The following SZT2 variants were observed in gnomAD, a reference collection of about 807,000 sequenced individuals.
SZT2 encodes the protein KICSTOR complex protein SZT2.
In SZT2, 216 loss-of-function variants were observed where a neutral mutation model predicts 404.2. The ratio of observed to expected loss-of-function variants is 0.53; its 90% CI spans 0.48 to 0.60. The LOEUF (loss-of-function observed/expected upper bound fraction) is 0.60, where lower values mean the gene tolerates loss of function less well. Among genes scored for constraint, SZT2 ranks in the 20% least tolerant of loss-of-function variants. SZT2 has a pLI of 0.00. For synonymous variants in SZT2, 1,693 were observed against 1,749.9 expected, an observed-to-expected ratio of 0.97 and a Z score of 0.81; for missense variants, 3,857 against 4,459.2, an observed-to-expected ratio of 0.86 and a Z score of 3.85.
At chr1:43,443,529 C>A in intron 61 of SZT2, 52 bp downstream of exon 61, 1 of 1,613,398 alleles carries the variant, frequency 6.2e-7, no homozygotes, top group South Asian at 1.1e-5. Flanking sequence ...CCACAGTGAC[C>A]CCCCTCCTCC....
At chr1:43,415,304 A>G in intron 5 of SZT2, 91 bp downstream of exon 5, 4 of 1,500,304 alleles carry the variant, frequency 2.7e-6, no homozygotes, top group Non-Finnish European at 3.6e-6. Flanking sequence ...AAATAGGGCA[A>G]AAAAGGGCTA....
rs1357553349 is a variant in SZT2 at position 43,446,236 on chromosome 1, ATCC to A, written c.8977_8979del (p.Leu2993del). 1 of 1,614,126 alleles carries A rather than the reference ATCC, an allele frequency of 6.2e-7. No individual in the cohort carries two copies. On this transcript the variant is annotated inframe_deletion, in exon 64 of 72. Coordinates refer to ENST00000634258, the MANE Select transcript of SZT2 (RefSeq NM_001365999.1). ...GCAGCGGGCACTGCCTGGGGGCATC[ATCC>A]TCATGGAACTGGCATTCCAGGTAAG...
chr1:43,416,220 T>C (rs1349769458), intron 6 of SZT2, 119 bp downstream of exon 6: 3 of 1,323,832 alleles, frequency 2.3e-6, no homozygotes, highest in Non-Finnish European at 2.0e-6. Flanking sequence ...AGGATCTGTT[T>C]CCTTGTTTGC....
Position 43,442,229 on chromosome 1 carries a change from G to A in SZT2, c.7874-39G>A. The stretch of plus-strand genomic sequence containing the variant: ...GGGAGGGTGGGATCAAGGGGGATCT[G>A]TTCCCAGGCCCCTATTGTGCCCCTC... On this transcript the variant is annotated intron_variant, in intron 56 of 71. Transcript: ENST00000634258. This position sits in a 1 kb window ranked among gnomAD's most constrained non-coding sequence, Gnocchi z 4.5. 1 of 1,604,546 alleles carries A rather than the reference G, an allele frequency of 6.2e-7. No homozygotes were observed. Among genetic ancestry groups the A allele is most frequent in the Non-Finnish European group, 8.5e-7 (1 of 1,175,034 alleles).
At chr1:43,446,789 C>T (rs1013649323) in intron 65 of SZT2, 166 bp from the exon 66 acceptor site, 1 of 694,734 alleles carries the variant, frequency 1.4e-6, no homozygotes, top group African/African-American at 1.8e-5. Flanking sequence ...AAAAGGGAGG[C>T]TAGAATGGGG....
intron 1 of SZT2, 47 bp downstream of exon 1, chr1:43,390,042 A>T (rs1327241574): frequency 1.5e-6 from 2 of 1,368,426 alleles, no homozygotes; most frequent in African/African-American, 3.1e-5. Context: ...TCCGAGGGGG[A>T]GGGTCCGGCG....
rs1168668932 is a variant in SZT2 at position 43,430,757 on chromosome 1, C to G, written c.4742C>G (p.Ser1581Ter). ...CSVRLRGQHS[S>*]VPVCSLPTCL... ...GTGCGGCTACGTGGGCAGCACAGCTCAGTACCTGTGTGCAGCCTGCCTACC... is the reference window on the plus strand; with the variant it reads ...GTGCGGCTACGTGGGCAGCACAGCTGAGTACCTGTGTGCAGCCTGCCTACC... Residue 1581 changes from serine to a stop codon, truncating the protein, a stop_gained, in exon 32 of 72, where the codon TCA becomes TGA. Transcript: ENST00000634258. LOFTEE classifies it high-confidence loss of function. The G allele has an allele frequency of 2.5e-6, 4 of 1,612,036 alleles. No individual in the cohort carries two copies. Among genetic ancestry groups the G allele is most frequent in the Non-Finnish European group, 3.4e-6 (4 of 1,179,718 alleles).
intron 28 of SZT2, chr1:43,429,473 G>A (rs1014123411): frequency 1.4e-5 from 7 of 517,984 alleles, no homozygotes; most frequent in Admixed American, 3.2e-5. Flanking sequence ...CTCAGCAACA[G>A]AGTAAGACTC....
intron 65 of SZT2, chr1:43,446,639 C>T: frequency 1.6e-6 from 1 of 642,828 alleles, no homozygotes; most frequent in Non-Finnish European, 2.7e-6. Context: ...CAGCTGTAGC[C>T]CTGAGGCAGC....
At chr1:43,419,230 G>C (rs1652055644) in intron 7 of SZT2, among the ~76,000 whole-genome samples, 1 of 152,238 alleles carries the variant, frequency 6.6e-6, no homozygotes, top group African/African-American at 2.4e-5. Context: ...TGATGGACTA[G>C]ATTTGGCCCT....
At position 43,420,387 on chromosome 1, in the gene SZT2, C is replaced by G; in HGVS notation, c.1261+64C>G. The G allele has an allele frequency of 3.4e-6, 5 of 1,470,288 alleles. No individual in the cohort carries two copies. Among genetic ancestry groups the G allele is most frequent in the African/African-American group, 2.8e-5 (2 of 71,354 alleles). The allele number at this position is 1,470,288 out of a possible 1,614,324, so 91.1% of individuals were successfully genotyped here. A position where few individuals can be genotyped will look rare whatever the true frequency, so the allele number is the denominator to read the frequency against. ...CTCAAGAATTTGTGTGTGGGAAGAC[C>G]CACATGTATCACACATGAAAGAGTG... On this transcript the variant is annotated intron_variant, in intron 9 of 71. Coordinates refer to ENST00000634258, the MANE Select transcript of SZT2 (RefSeq NM_001365999.1). This position sits in a 1 kb window ranked among gnomAD's most constrained non-coding sequence, Gnocchi z 5.1.
Position 43,450,526 on chromosome 1 carries a change from G to A in SZT2, c.*46G>A, listed in dbSNP as rs746281249. 1 of 1,609,514 alleles carries A rather than the reference G, an allele frequency of 6.2e-7. No homozygotes were observed. The highest frequency in any genetic ancestry group is 2.2e-5 in the East Asian group (1 of 44,792). On this transcript the variant is annotated 3_prime_UTR_variant, in exon 72 of 72. Transcript: ENST00000634258. This position sits in a 1 kb window ranked among gnomAD's most constrained non-coding sequence, Gnocchi z 4.3. ...AATGTCACTGTTCCTTGAATCATGGGCCTACCAGATTGCCTGCCAGAGGCA... is the reference window on the plus strand; with the variant it reads ...AATGTCACTGTTCCTTGAATCATGGACCTACCAGATTGCCTGCCAGAGGCA...
In SZT2 at chr1:43,398,326, G is replaced by A. The variant is rs186546077; in HGVS notation, c.28-4851G>A. 1.2e-4 allele frequency among the ~76,000 whole-genome samples: 19 copies of A among 152,340 alleles called. No homozygotes were observed. In the East Asian group the frequency reaches 3.7e-3, roughly 29 times the overall value. On this transcript the variant is annotated intron_variant, in intron 1 of 71. Coordinates refer to ENST00000634258, the MANE Select transcript of SZT2 (RefSeq NM_001365999.1). Reference sequence around the variant, plus strand: ...AGCGAATTCACTTATTTAGAGAAATGTTATTGAACATCCTATGTGCCAGGC... The same window carrying A: ...AGCGAATTCACTTATTTAGAGAAATATTATTGAACATCCTATGTGCCAGGC...
At chr1:43,399,256 G>C (rs558146123) in intron 1 of SZT2, among the ~76,000 whole-genome samples, 1 of 152,014 alleles carries the variant, frequency 6.6e-6, no homozygotes, top group Middle Eastern at 3.4e-3. Context: ...TCACTGTTTA[G>C]TTCAGCTGAC....
intron 41 of SZT2, among the ~76,000 whole-genome samples, chr1:43,434,980 G>A (rs554181563): frequency 2.0e-5 from 3 of 152,288 alleles, no homozygotes; most frequent in Non-Finnish European, 2.9e-5. Flanking sequence ...GAGACTCGAC[G>A]GATGGTGAAC....
Position 43,432,591 on chromosome 1 carries a change from C to A in SZT2, c.5517C>A (p.Arg1839=), listed in dbSNP as rs147753139. The change falls in exon 38 of 72, where the codon CGC becomes CGA. Residue 1839 remains arginine, a synonymous_variant. Transcript: ENST00000634258. The part of the protein sequence containing the change: ...SEGVPLISLP[R]VPQGGSQPGP... Reference sequence around the variant, plus strand: ...GTGTCCCCCTCATCAGCCTGCCCCGCGTGCCACAGGGAGGTAAGAGAGGAC... The same window carrying A: ...GTGTCCCCCTCATCAGCCTGCCCCGAGTGCCACAGGGAGGTAAGAGAGGAC... 9 of 1,613,654 alleles carry A rather than the reference C, an allele frequency of 5.6e-6. No individual in the cohort carries two copies. Among genetic ancestry groups the A allele is most frequent in the African/African-American group, 4.0e-5 (3 of 75,034 alleles).
rs1656276525 is a variant in SZT2, at chr1:43,450,578, G to A, written c.*98G>A. ...GACTGACCAGCCCTTCTGGGCCCCA[G>A]GGCAAGCCAGACACTGAGTGACACC... On this transcript the variant is annotated 3_prime_UTR_variant, in exon 72 of 72. Coordinates refer to ENST00000634258, the MANE Select transcript of SZT2 (RefSeq NM_001365999.1). The surrounding 1 kb of genome is among the most constrained non-coding windows in gnomAD (Gnocchi z 4.3). 6.5e-7 allele frequency: 1 copy of A among 1,531,758 alleles called. No homozygotes were observed. The highest frequency in any genetic ancestry group is 8.9e-7 in the Non-Finnish European group (1 of 1,125,024). 94.9% of individuals were successfully genotyped at this position (1,531,758 alleles called of 1,614,324 possible). A position where few individuals can be genotyped will look rare whatever the true frequency, so the allele number is the denominator to read the frequency against.
chr1:43,446,791 A>G, intron 65 of SZT2, 164 bp from the exon 66 acceptor site: 1 of 696,682 alleles, frequency 1.4e-6, no homozygotes, highest in South Asian at 1.9e-5. Context: ...AAGGGAGGCT[A>G]GAATGGGGAG....
chr1:43,390,094 G>T lies in SZT2; in HGVS notation c.27+99G>T, dbSNP rs1570514543. On this transcript the variant is annotated intron_variant, in intron 1 of 71. Coordinates refer to ENST00000634258, the MANE Select transcript of SZT2 (RefSeq NM_001365999.1). ...GCCTCCTCTAGGTCTGGGGGTGGCC[G>T]GGCTGCGTAGCCTCGGCAGGGACCA... 35 of 1,298,522 alleles carry T rather than the reference G, an allele frequency of 2.7e-5. No homozygotes were observed. The East Asian group carries it at 1.1e-3, about 39-fold the overall frequency. The allele number at this position is 1,298,522 out of a possible 1,614,324, so 80.4% of individuals were successfully genotyped here.
Sources: allele counts gnomAD v4.1 joint callset (sites outside exome capture counted in the v4.1 genomes callset), GRCh38; gene constraint gnomAD v4.1.1; non-coding constraint Gnocchi (gnomAD v3.1); transcripts MANE v1.5; gene names NCBI Gene and HGNC (gene_info 2026-07-23, HGNC 2026-07-21).